TRUB1: variants seen among roughly 807,000 people sequenced by gnomAD.
The protein encoded by TRUB1 is pseudouridylate synthase TRUB1.
In TRUB1, 23 loss-of-function variants were observed where a neutral mutation model predicts 33.9. The ratio of observed to expected loss-of-function variants is 0.68; its 90% CI spans 0.49 to 0.96. The LOEUF (loss-of-function observed/expected upper bound fraction) is 0.96, where lower values mean the gene tolerates loss of function less well. Ranked by LOEUF, TRUB1 falls within the 40% of genes least tolerant of loss-of-function variation. TRUB1 has a pLI of 0.00. For synonymous variants in TRUB1, 163 were observed against 165.4 expected (o/e 0.99, Z 0.11); for missense variants, 378 against 422.2 (o/e 0.90, Z 0.92).
At position 114,970,439 on chromosome 10, in the gene TRUB1, CT is replaced by C. The variant is rs764207684; in HGVS notation, c.596del (p.Leu199ProfsTer5). The C allele has an allele frequency of 9.2e-5, 147 of 1,604,948 alleles. No homozygotes were observed. Among genetic ancestry groups the C allele is most frequent in the Middle Eastern group, 1.7e-4 (1 of 6,042 alleles). ...TGGAAATATAATGCAAGTGCCCCCC[CT>C]GTAAGTTCAATTAGTAAATTTGGAA... ...FTGNIMQVPP[L>X]YSALKKDGQR... On this transcript the variant is annotated frameshift_variant and splice_region_variant, in exon 5 of 8. Coordinates refer to ENST00000298746, the MANE Select transcript of TRUB1 (RefSeq NM_139169.5). LOFTEE classifies it high-confidence loss of function.
At chr10:114,964,732 T>A (rs551761194) in intron 4 of TRUB1, among the ~76,000 whole-genome samples, 1 of 152,300 alleles carries the variant, frequency 6.6e-6, no homozygotes, top group South Asian at 2.1e-4. Context: ...TTCCCAGTAC[T>A]CTTGTGTTCT....
chr10:114,955,600 G>T (rs1237424684), intron 3 of TRUB1, among the ~76,000 whole-genome samples: 1 of 152,144 alleles, frequency 6.6e-6, no homozygotes, highest in Non-Finnish European at 1.5e-5. Context: ...AGTGAATGAA[G>T]TTTCCCCTTC....
At chr10:114,974,222 C>G (rs531177793) in intron 6 of TRUB1, 107 bp from the exon 7 acceptor site, 5 of 778,892 alleles carry the variant, frequency 6.4e-6, no homozygotes, top group Non-Finnish European at 1.1e-5. Context: ...TTTTATCACT[C>G]AATTGTTTGC....
intron 2 of TRUB1, among the ~76,000 whole-genome samples, chr10:114,943,644 G>T (rs376022449): frequency 6.6e-6 from 1 of 152,202 alleles, no homozygotes; most frequent in African/African-American, 2.4e-5. Flanking sequence ...AAAGCAGCAC[G>T]CTTGAGCATC....
chr10:114,945,086 A>G (rs770146597), intron 2 of TRUB1, among the ~76,000 whole-genome samples: 2 of 152,250 alleles, frequency 1.3e-5, no homozygotes, highest in African/African-American at 2.4e-5. Flanking sequence ...GTAACCTATA[A>G]GAGAGGTTAT....
chr10:114,976,220 T>G lies in TRUB1; in HGVS notation c.*841T>G, dbSNP rs895085220. 3.4e-5 allele frequency: 4 copies of G among 117,946 alleles called. No homozygotes were observed. The highest frequency in any genetic ancestry group is 2.0e-4 in the African/African-American group (4 of 19,982). The allele number at this position is 117,946 out of a possible 1,614,324, so 7.3% of individuals were successfully genotyped here. A position where few individuals can be genotyped will look rare whatever the true frequency, so the allele number is the denominator to read the frequency against. ...CTTTATTCTTTAGCATTTATTTATA[T>G]TTCTCTGTAGGGTGTTCCCTGTGAC... is the stretch of plus-strand genomic sequence containing the variant. On this transcript the variant is annotated 3_prime_UTR_variant, in exon 8 of 8. Coordinates refer to ENST00000298746, the MANE Select transcript of TRUB1 (RefSeq NM_139169.5).
Position 114,964,825 on chromosome 10 carries a change from C to T in TRUB1, c.523+5018C>T, listed in dbSNP as rs376199745. 1.3e-3 allele frequency among the ~76,000 whole-genome samples: 197 copies of T among 151,784 alleles called. 1 individual carries two copies. Among genetic ancestry groups the T allele is most frequent in the African/African-American group, 4.6e-3 (189 of 41,404 alleles). On this transcript the variant is annotated intron_variant, in intron 4 of 7. Coordinates refer to ENST00000298746, the MANE Select transcript of TRUB1 (RefSeq NM_139169.5). ...TTTTACATTGATCAGTTTGTTTATACTTGTATATACACCAGACTATATTAA... is the reference window on the plus strand; with the variant it reads ...TTTTACATTGATCAGTTTGTTTATATTTGTATATACACCAGACTATATTAA...
intron 2 of TRUB1, among the ~76,000 whole-genome samples, chr10:114,943,918 G>A (rs2084200274): frequency 6.6e-6 from 1 of 150,728 alleles, no homozygotes; most frequent in African/African-American, 2.4e-5. Context: ...AGATGTATTA[G>A]TTGACCGTTT....
intron 2 of TRUB1, among the ~76,000 whole-genome samples, chr10:114,948,147 A>C (rs1343556471): frequency 2.0e-5 from 3 of 152,208 alleles, no homozygotes; most frequent in Non-Finnish European, 2.9e-5. Flanking sequence ...GAGATAGAGT[A>C]GGAGAGTAGT....
chr10:114,953,752 C>T (rs887311410), intron 3 of TRUB1, among the ~76,000 whole-genome samples: 4 of 152,118 alleles, frequency 2.6e-5, no homozygotes, highest in Non-Finnish European at 5.9e-5. Context: ...GTACTGGTAT[C>T]TGCTTCTGGT....
intron 4 of TRUB1, among the ~76,000 whole-genome samples, chr10:114,968,971 G>C (rs905038785): frequency 2.0e-5 from 3 of 151,970 alleles, no homozygotes; most frequent in African/African-American, 4.8e-5. Context: ...CTTACCATTG[G>C]CTGTGAACTA....
rs565764939 is a variant in TRUB1 at position 114,955,299 on chromosome 10, C to T, written c.441+4150C>T. Among the ~76,000 whole-genome samples, 15 of 152,244 alleles carry T rather than the reference C, an allele frequency of 9.9e-5. No homozygotes were observed. In the South Asian group the frequency reaches 2.1e-3, roughly 21 times the overall value. On this transcript the variant is annotated intron_variant, in intron 3 of 7. Coordinates refer to ENST00000298746, the MANE Select transcript of TRUB1 (RefSeq NM_139169.5). ...TCAGCAAAAGCTGGATAGCAGATGT[C>T]GTACTTTGAAGGAACAGACAGAAGG...
At chr10:114,951,558 T>C (rs1055500530) in intron 3 of TRUB1, among the ~76,000 whole-genome samples, 1 of 152,156 alleles carries the variant, frequency 6.6e-6, no homozygotes, top group African/African-American at 2.4e-5. Flanking sequence ...TTATAAATGT[T>C]TATTAAAGAA....
In TRUB1 at chr10:114,972,287, A is replaced by G. The variant is rs750019816; in HGVS notation, c.736+13A>G. On this transcript the variant is annotated intron_variant, in intron 6 of 7. Transcript: ENST00000298746. ...TTTTTCACATTAGGTAAGATGGAGA[A>G]ATTTGAAATCATTTGTATTTACGTG... 2 of 1,586,966 alleles carry G rather than the reference A, an allele frequency of 1.3e-6. No individual in the cohort carries two copies. The highest frequency in any genetic ancestry group is 1.7e-6 in the Non-Finnish European group (2 of 1,172,726).
intron 3 of TRUB1, among the ~76,000 whole-genome samples, chr10:114,956,853 T>C (rs559716303): frequency 6.8e-4 from 104 of 152,316 alleles, no homozygotes; most frequent in African/African-American, 2.4e-3. Flanking sequence ...TGCCAGGGTT[T>C]CTCAATAAGT....
Position 114,967,009 on chromosome 10 carries a change from G to GT in TRUB1, c.524-3358dup, listed in dbSNP as rs757634315. On this transcript the variant is annotated intron_variant, in intron 4 of 7. Transcript: ENST00000298746. ...TGAAATTAAAACATCCCCCAGCCTT[G>GT]TAAGAGCTTTGGTAGTATTTCTTTA... is the stretch of plus-strand genomic sequence containing the variant. Among the ~76,000 whole-genome samples, 20 of 152,284 alleles carry GT rather than the reference G, an allele frequency of 1.3e-4. No individual in the cohort carries two copies. The East Asian group carries it at 2.7e-3, about 21-fold the overall frequency.
chr10:114,956,305 C>T lies in TRUB1; in HGVS notation c.442-3421C>T, dbSNP rs559752024. On this transcript the variant is annotated intron_variant, in intron 3 of 7. Transcript: ENST00000298746. ...GTAGAATTCACGGTTCCCAGGTATACGTCTTGGAGAATTAACAACTCCAAA... is the reference window on the plus strand; with the variant it reads ...GTAGAATTCACGGTTCCCAGGTATATGTCTTGGAGAATTAACAACTCCAAA... Among the ~76,000 whole-genome samples the T allele has an allele frequency of 4.3e-4, 65 of 152,258 alleles. 1 individual carries two copies. The South Asian group carries it at 0.013, about 31-fold the overall frequency.
chr10:114,952,535 T>A (rs2084241764), intron 3 of TRUB1, among the ~76,000 whole-genome samples: 1 of 152,064 alleles, frequency 6.6e-6, no homozygotes, highest in Admixed American at 6.6e-5. Context: ...ATACATAGAT[T>A]GATTGATTGA....
intron 2 of TRUB1, among the ~76,000 whole-genome samples, chr10:114,945,324 A>C (rs1338525242): frequency 6.6e-6 from 1 of 152,176 alleles, no homozygotes; most frequent in Non-Finnish European, 1.5e-5. Context: ...CCAGCTTAGC[A>C]CTTCAGTAGC....
Sources: gnomAD v4.1 joint callset for allele counts (sites outside exome capture counted in the v4.1 genomes callset) on GRCh38, gnomAD v4.1.1 for gene constraint, MANE v1.5 for transcripts, NCBI Gene and HGNC (gene_info 2026-07-23, HGNC 2026-07-21) for gene names.